Variants in EFNA5 observed in about 807,000 individuals in gnomAD.
The protein encoded by EFNA5 is ephrin A5.
Under a neutral mutation model 22.9 loss-of-function variants are expected in EFNA5, and 5 were observed. The ratio of observed to expected loss-of-function variants is 0.22; its 90% CI spans 0.11 to 0.46. EFNA5 has a LOEUF of 0.46. EFNA5 is among the 20% of genes least tolerant of loss of function. The pLI, the probability that EFNA5 is intolerant of heterozygous loss-of-function variation, is 0.99. For synonymous variants in EFNA5, 113 were observed against 112.2 expected, an observed-to-expected ratio of 1.01 and a Z score of -0.04; for missense variants, 237 against 293.3, an observed-to-expected ratio of 0.81 and a Z score of 1.40.
At chr5:107,549,368 C>A (rs1748236115) in intron 1 of EFNA5, among the ~76,000 whole-genome samples, 1 of 152,158 alleles carries the variant, frequency 6.6e-6, no homozygotes, top group Admixed American at 6.5e-5. Context: ...TTCATTTGAT[C>A]CCCACAAAGT....
rs145172067 is a variant in EFNA5, at chr5:107,502,676, A to T, written c.126-75167T>A. ...CGTGCTCGAAGTGTATCAAACTATG[A>T]CTTCTAAATTCCTTTCCATCAAATG... is the stretch of plus-strand genomic sequence containing the variant. On this transcript the variant is annotated intron_variant, in intron 1 of 4. Transcript: ENST00000333274. Among the ~76,000 whole-genome samples the T allele has an allele frequency of 2.3e-3, 354 of 152,302 alleles. 3 individuals carry two copies. Among genetic ancestry groups the T allele is most frequent in the African/African-American group, 7.5e-3 (313 of 41,558 alleles).
At chr5:107,570,178 G>A (rs1380971787) in intron 1 of EFNA5, among the ~76,000 whole-genome samples, 1 of 152,282 alleles carries the variant, frequency 6.6e-6, no homozygotes, top group Non-Finnish European at 1.5e-5. Context: ...CTAATTTCCA[G>A]TAATTACCCT....
Position 107,670,498 on chromosome 5 carries a change from C to G in EFNA5, c.116G>C (p.Ser39Thr). ...CCTGTTATCGGCTTACCTGGGGTTG[C>G]TGCTGTTCCAGTAGACAGCGTAGCG... ...ADRYAVYWNS[S>T]NPRFQRGDYH... Residue 39 changes from serine (S) to threonine (T), a missense_variant, in exon 1 of 5, where the codon AGC becomes ACC. Ser to Thr is a moderately conservative substitution (Grantham distance 58). Transcript: ENST00000333274. 1 of 1,567,300 alleles carries G rather than the reference C, an allele frequency of 6.4e-7. No individual in the cohort carries two copies. The highest frequency in any genetic ancestry group is 8.7e-7 in the Non-Finnish European group (1 of 1,154,882).
intron 1 of EFNA5, among the ~76,000 whole-genome samples, chr5:107,476,378 T>C (rs978621596): frequency 1.9e-4 from 29 of 151,856 alleles, no homozygotes; most frequent in African/African-American, 7.0e-4. Context: ...GAGAGCAAAA[T>C]AGAGTATATT....
chr5:107,595,821 A>T (rs1749462467), intron 1 of EFNA5, among the ~76,000 whole-genome samples: 1 of 152,182 alleles, frequency 6.6e-6, no homozygotes, highest in Admixed American at 6.6e-5. Context: ...GATCTCTAAA[A>T]TGGGGATAAA....
intron 1 of EFNA5, among the ~76,000 whole-genome samples, chr5:107,570,194 C>T (rs1457353218): frequency 6.6e-6 from 1 of 152,180 alleles, no homozygotes. Context: ...ACCCTGGTAC[C>T]TTAAAGTCCG....
chr5:107,462,738 G>A (rs1216377577), intron 1 of EFNA5, among the ~76,000 whole-genome samples: 1 of 152,182 alleles, frequency 6.6e-6, no homozygotes, highest in African/African-American at 2.4e-5. Context: ...AGATGGAAAA[G>A]CATCACATCT....
intron 1 of EFNA5, among the ~76,000 whole-genome samples, chr5:107,454,626 G>A (rs152584): frequency 0.43 from 65,371 of 151,830 alleles, 15,478 homozygotes; most frequent in African/African-American, 0.64. Flanking sequence ...AAAGGTGAAA[G>A]TTTGGGGAAA....
At chr5:107,606,231 G>C (rs6868042) in intron 1 of EFNA5, among the ~76,000 whole-genome samples, 1,723 of 151,994 alleles carry the variant, frequency 0.011, 33 homozygotes, top group African/African-American at 0.038. Context: ...CCAAACTGTG[G>C]TATTATTACC....
intron 1 of EFNA5, among the ~76,000 whole-genome samples, chr5:107,562,103 A>G (rs1306810861): frequency 6.6e-6 from 1 of 152,166 alleles, no homozygotes; most frequent in East Asian, 1.9e-4. Context: ...CAGCACTTCA[A>G]CCCAACTATA....
At chr5:107,403,057 A>C (rs972724785) in intron 2 of EFNA5, among the ~76,000 whole-genome samples, 12 of 152,330 alleles carry the variant, frequency 7.9e-5, no homozygotes, top group African/African-American at 2.6e-4. Context: ...CAGGGGGGGA[A>C]GTGCCACAGC....
At chr5:107,467,191 T>G (rs1750010674) in intron 1 of EFNA5, among the ~76,000 whole-genome samples, 1 of 152,078 alleles carries the variant, frequency 6.6e-6, no homozygotes, top group South Asian at 2.1e-4. Flanking sequence ...ATCTCATCAC[T>G]TAGGGCAGTA....
chr5:107,606,505 C>A (rs933108863), intron 1 of EFNA5, among the ~76,000 whole-genome samples: 1 of 151,060 alleles, frequency 6.6e-6, no homozygotes, highest in Non-Finnish European at 1.5e-5. Context: ...TCCTGCTACT[C>A]TACCCAAATC....
At chr5:107,665,074 T>C (rs540996034) in intron 1 of EFNA5, among the ~76,000 whole-genome samples, 2 of 152,278 alleles carry the variant, frequency 1.3e-5, no homozygotes, top group Admixed American at 6.5e-5. Context: ...TAACATATTC[T>C]CATATTTTGT....
chr5:107,634,304 G>T (rs1401933676), intron 1 of EFNA5, among the ~76,000 whole-genome samples: 1 of 152,110 alleles, frequency 6.6e-6, no homozygotes, highest in African/African-American at 2.4e-5. Context: ...TTGCATAGAG[G>T]CTAGGAATTC....
chr5:107,382,921 C>A (rs183893534), intron 4 of EFNA5, among the ~76,000 whole-genome samples: 1 of 152,292 alleles, frequency 6.6e-6, no homozygotes, highest in African/African-American at 2.4e-5. Context: ...GGTTAACTAA[C>A]CATTATTTTA....
intron 1 of EFNA5, among the ~76,000 whole-genome samples, chr5:107,669,115 C>T (rs1426887777): frequency 2.0e-5 from 3 of 152,054 alleles, no homozygotes; most frequent in African/African-American, 7.3e-5. Context: ...TCTTCATCTG[C>T]GCTGACATTA....
At chr5:107,465,546 A>G (rs1010361632) in intron 1 of EFNA5, among the ~76,000 whole-genome samples, 1 of 152,202 alleles carries the variant, frequency 6.6e-6, no homozygotes, top group East Asian at 1.9e-4. Flanking sequence ...CATGGTGATC[A>G]TGGAGTGATG....
At chr5:107,646,519 G>C (rs941516392) in intron 1 of EFNA5, among the ~76,000 whole-genome samples, 9 of 152,120 alleles carry the variant, frequency 5.9e-5, no homozygotes, top group African/African-American at 1.9e-4. Context: ...AGTGAGGTGA[G>C]ATAAATATTA....
Sources: gnomAD v4.1 joint callset for allele counts (sites outside exome capture counted in the v4.1 genomes callset) on GRCh38, gnomAD v4.1.1 for gene constraint, MANE v1.5 for transcripts, NCBI Gene and HGNC (gene_info 2026-07-23, HGNC 2026-07-21) for gene names.